BRCA2: variants seen among roughly 807,000 people sequenced by gnomAD.
BRCA2 encodes breast cancer type 2 susceptibility protein.
In BRCA2, 203 loss-of-function variants were observed where a neutral mutation model predicts 276.7. That is an observed-to-expected ratio of 0.73 (90% CI 0.65 to 0.82). BRCA2 has a LOEUF of 0.82. BRCA2 is among the 40% of genes least tolerant of loss of function. The probability of loss-of-function intolerance (pLI) is 0.00; values close to 1 mark genes in which losing one functional copy is unlikely to be tolerated. For synonymous variants in BRCA2, 1,289 were observed against 1,338.4 expected (o/e 0.96, Z 0.81); for missense variants, 3,920 against 3,915.0 (o/e 1.00, Z -0.03).
chr13:32,316,585 A>C lies in BRCA2; in HGVS notation c.67+58A>C, dbSNP rs538947930. On this transcript the variant is annotated intron_variant, in intron 2 of 26. Coordinates refer to ENST00000380152, the MANE Select transcript of BRCA2 (RefSeq NM_000059.4). ...ACACCGAGAAAGTGTTTTCTAAAAA[A>C]TGCTTGCTAAAAACCCAGTACGTCA... 1.1e-3 allele frequency: 1,641 copies of C among 1,494,474 alleles called. 30 individuals carry two copies. In the South Asian group the frequency reaches 0.018, roughly 16 times the overall value. 92.6% of individuals were successfully genotyped at this position (1,494,474 alleles called of 1,614,324 possible).
intron 26 of BRCA2, 106 bp from the exon 27 acceptor site, chr13:32,398,056 T>C (rs1686708827): frequency 8.3e-7 from 1 of 1,198,412 alleles, no homozygotes; most frequent in Non-Finnish European, 1.2e-6. Context: ...AGGGAGACTG[T>C]GTGTAATATT....
At chr13:32,391,242 G>A (rs926769286) in intron 24 of BRCA2, among the ~76,000 whole-genome samples, 1 of 152,200 alleles carries the variant, frequency 6.6e-6, no homozygotes, top group African/African-American at 2.4e-5. Context: ...CAGACTTACA[G>A]ATTTCATGTA....
At position 32,398,984 on chromosome 13, in the gene BRCA2, A is replaced by C. The variant is rs1263013671; in HGVS notation, c.*214A>C. 1 of 544,798 alleles carries C rather than the reference A, an allele frequency of 1.8e-6. No homozygotes were observed. Among genetic ancestry groups the C allele is most frequent in the African/African-American group, 1.9e-5 (1 of 52,022 alleles). 33.7% of individuals were successfully genotyped at this position (544,798 alleles called of 1,614,324 possible). A position where few individuals can be genotyped will look rare whatever the true frequency, so the allele number is the denominator to read the frequency against. The stretch of plus-strand genomic sequence containing the variant: ...CTTCAGTTGCATATCTTAAAACTAA[A>C]TGTAATTTATTAACTAATCAAGAAA... On this transcript the variant is annotated 3_prime_UTR_variant, in exon 27 of 27. Transcript: ENST00000380152.
intron 14 of BRCA2, among the ~76,000 whole-genome samples, chr13:32,355,517 C>T (rs982936121): frequency 1.3e-5 from 2 of 152,124 alleles, no homozygotes; most frequent in African/African-American, 4.8e-5. Context: ...TCTAGGACTG[C>T]TGTTACTGGA....
At chr13:32,380,481 G>A (rs2072916793) in intron 24 of BRCA2, among the ~76,000 whole-genome samples, 1 of 148,528 alleles carries the variant, frequency 6.7e-6, no homozygotes, top group Admixed American at 6.7e-5. Context: ...TATTTCCTTA[G>A]CCATACACTC....
At chr13:32,360,036 G>A (rs1257395784) in intron 16 of BRCA2, among the ~76,000 whole-genome samples, 1 of 152,198 alleles carries the variant, frequency 6.6e-6, no homozygotes, top group Non-Finnish European at 1.5e-5. Context: ...TGGAAAGGTG[G>A]CAGAGAAAGT....
At chr13:32,371,771 A>G (rs11571750) in intron 20 of BRCA2, among the ~76,000 whole-genome samples, 109 of 152,338 alleles carry the variant, frequency 7.2e-4, no homozygotes, top group Non-Finnish European at 4.6e-4. Flanking sequence ...CAATAAAGCA[A>G]ATATTACAGT....
chr13:32,357,176 A>C (rs2072704040), intron 15 of BRCA2, among the ~76,000 whole-genome samples: 1 of 152,222 alleles, frequency 6.6e-6, no homozygotes, highest in Admixed American at 6.5e-5. Flanking sequence ...TTTGCAAATG[A>C]GAGAACTGAA....
chr13:32,345,249 C>G (rs948699246), intron 12 of BRCA2, among the ~76,000 whole-genome samples: 5 of 151,986 alleles, frequency 3.3e-5, no homozygotes, highest in African/African-American at 4.8e-5. Context: ...AAAGGTATTT[C>G]ATGAAAAAAT....
At chr13:32,363,829 G>A (rs568325950) in intron 18 of BRCA2, among the ~76,000 whole-genome samples, 8 of 152,172 alleles carry the variant, frequency 5.3e-5, no homozygotes, top group African/African-American at 1.9e-4. Flanking sequence ...GCTTTGCTTT[G>A]ATCAGATCCC....
In BRCA2 at chr13:32,337,852, T is replaced by A. The variant is rs762886975; in HGVS notation, c.3497T>A (p.Val1166Asp). Residue 1166 changes from valine (V) to aspartate (D), a missense_variant, in exon 11 of 27, where the codon GTC becomes GAC. Physicochemically the swap from Val to Asp is radical, Grantham distance 152. Around this residue, in one of 2 missense-constraint regions of BRCA2, gnomAD observed 3,263 missense variants for 3,156.9 expected, o/e 1.03. Transcript: ENST00000380152. ...GAATGCAGAGATGCTGATCTTCATGTCATAATGAATGCCCCATCGATTGGT... is the reference window on the plus strand; with the variant it reads ...GAATGCAGAGATGCTGATCTTCATGACATAATGAATGCCCCATCGATTGGT... ...SEECRDADLH[V>D]IMNAPSIGQV... 1.7e-5 allele frequency: 28 copies of A among 1,614,082 alleles called. No homozygotes were observed. Among genetic ancestry groups the A allele is most frequent in the Non-Finnish European group, 2.3e-5 (27 of 1,179,982 alleles).
intron 16 of BRCA2, among the ~76,000 whole-genome samples, chr13:32,360,876 G>A (rs555215644): frequency 1.3e-5 from 2 of 152,326 alleles, no homozygotes; most frequent in Admixed American, 1.3e-4. Context: ...TATAAAACGT[G>A]AGAGAGGAGG....
chr13:32,333,945 G>A (rs764235747), intron 10 of BRCA2, among the ~76,000 whole-genome samples: 15 of 152,258 alleles, frequency 9.9e-5, no homozygotes, highest in African/African-American at 2.2e-4. Context: ...TGCAAAGGAC[G>A]TGATCTTGTT....
At chr13:32,351,865 G>A (rs907447765) in intron 13 of BRCA2, among the ~76,000 whole-genome samples, 3 of 151,854 alleles carry the variant, frequency 2.0e-5, no homozygotes, top group East Asian at 1.9e-4. Flanking sequence ...ACAGTGGCAC[G>A]ATCTTGGCTC....
chr13:32,378,078 T>A (rs534055665), intron 21 of BRCA2, among the ~76,000 whole-genome samples: 9 of 152,324 alleles, frequency 5.9e-5, no homozygotes, highest in African/African-American at 2.2e-4. Context: ...TCTTGAAAAA[T>A]TATTTGCCTC....
intron 20 of BRCA2, among the ~76,000 whole-genome samples, chr13:32,373,847 C>T (rs1180724667): frequency 6.6e-6 from 1 of 152,230 alleles, no homozygotes; most frequent in South Asian, 2.1e-4. Context: ...TCACAGTTTC[C>T]CTCCCGGTTT....
At chr13:32,376,097 T>C (rs538869911) in intron 20 of BRCA2, among the ~76,000 whole-genome samples, 1 of 152,262 alleles carries the variant, frequency 6.6e-6, no homozygotes, top group African/African-American at 2.4e-5. Flanking sequence ...AAATGCAGTA[T>C]CTATGAAACT....
In BRCA2 at chr13:32,328,452, G is replaced by A. The variant is rs189122018; in HGVS notation, c.632-991G>A. On this transcript the variant is annotated intron_variant, in intron 7 of 26. Transcript: ENST00000380152. ...AGAGGAGGTTTCACTGGGTTGGCCA[G>A]GGTGGTCTTGAACTCCTGACCTCAA... is the stretch of plus-strand genomic sequence containing the variant. Among the ~76,000 whole-genome samples the A allele has an allele frequency of 6.2e-3, 937 of 152,180 alleles. 8 individuals are homozygous for A. Among genetic ancestry groups the A allele is most frequent in the Middle Eastern group, 0.01 (3 of 294 alleles).
Position 32,340,683 on chromosome 13 carries a change from G to A in BRCA2, c.6328G>A (p.Asp2110Asn), listed in dbSNP as rs1593908267. Residue 2110 changes from aspartate to asparagine, a missense_variant, in exon 11 of 27, where the codon GAT becomes AAT. Physicochemically the swap from Asp to Asn is conservative, Grantham distance 23 (BLOSUM62 1). Transcript: ENST00000380152. ...TGTATCAAAAATACTTCCTCGTGTT[G>A]ATAAGAGAAACCCAGAGCACTGTGT... Reference protein sequence around the residue: ...QNVSKILPRVDKRNPEHCVNS... With the variant: ...QNVSKILPRVNKRNPEHCVNS... 2 of 1,608,838 alleles carry A rather than the reference G, an allele frequency of 1.2e-6. No homozygotes were observed. The highest frequency in any genetic ancestry group is 1.7e-6 in the Non-Finnish European group (2 of 1,178,798).
Sources: gnomAD v4.1 joint callset for allele counts (sites outside exome capture counted in the v4.1 genomes callset) on GRCh38, gnomAD v4.1.1 for gene constraint, gnomAD v4.1.1 regional missense constraint, MANE v1.5 for transcripts, NCBI Gene and HGNC (gene_info 2026-07-23, HGNC 2026-07-21) for gene names.